Variants in GALNTL6 observed in about 807,000 individuals in gnomAD.
The protein encoded by GALNTL6 is polypeptide N-acetylgalactosaminyltransferase like 6, also known as polypeptide N-acetylgalactosaminyltransferase-like 6.
In GALNTL6, 46 loss-of-function variants were observed where a neutral mutation model predicts 73.7. The observed-to-expected ratio is 0.62, with a 90% CI of 0.49 to 0.80. The LOEUF (loss-of-function observed/expected upper bound fraction) is 0.80, where lower values mean the gene tolerates loss of function less well. Among genes scored for constraint, GALNTL6 ranks in the 30% least tolerant of loss-of-function variants. GALNTL6 has a pLI of 0.00. For missense variants in GALNTL6, 604 were observed against 755.0 expected, an observed-to-expected ratio of 0.80 and a Z score of 2.34; for synonymous variants, 259 against 263.7, an observed-to-expected ratio of 0.98 and a Z score of 0.17.
intron 3 of GALNTL6, among the ~76,000 whole-genome samples, chr4:172,247,115 C>T (rs1241468391): frequency 6.6e-6 from 1 of 152,068 alleles, no homozygotes; most frequent in Admixed American, 6.6e-5. Flanking sequence ...CCTCTAGTCT[C>T]TTCTCTATAA....
At chr4:171,991,135 A>C (rs1303777016) in intron 2 of GALNTL6, among the ~76,000 whole-genome samples, 2 of 152,292 alleles carry the variant, frequency 1.3e-5, no homozygotes, top group East Asian at 3.9e-4. Flanking sequence ...AAAACAATCA[A>C]GATACGTAAT....
intron 4 of GALNTL6, among the ~76,000 whole-genome samples, chr4:172,318,498 C>T (rs535715605): frequency 3.9e-5 from 6 of 151,952 alleles, no homozygotes; most frequent in East Asian, 3.9e-4. Context: ...GTCAGGGGTT[C>T]GAGACCAGCC....
At chr4:171,855,417 A>AT (rs1735660950) in intron 2 of GALNTL6, among the ~76,000 whole-genome samples, 1 of 152,194 alleles carries the variant, frequency 6.6e-6, no homozygotes, top group Non-Finnish European at 1.5e-5. Context: ...AGCAATATGC[A>AT]TTTAAGTTTC....
At chr4:172,085,219 C>G (rs937684140) in intron 2 of GALNTL6, among the ~76,000 whole-genome samples, 1 of 151,844 alleles carries the variant, frequency 6.6e-6, no homozygotes, top group Non-Finnish European at 1.5e-5. Context: ...TGTTGAAGTT[C>G]CCTGAACATA....
chr4:172,308,087 A>T (rs10049951), intron 3 of GALNTL6, among the ~76,000 whole-genome samples: 2,487 of 122,686 alleles, frequency 0.02, 80 homozygotes, highest in African/African-American at 0.07. Context: ...CTTAGTCACC[A>T]TTGGTACATA....
intron 2 of GALNTL6, among the ~76,000 whole-genome samples, chr4:171,949,608 A>T (rs1313729780): frequency 1.3e-5 from 2 of 152,254 alleles, no homozygotes; most frequent in Non-Finnish European, 2.9e-5. Context: ...TCTCAGATTC[A>T]AATTACAGAA....
At chr4:172,297,224 T>A (rs969454873) in intron 3 of GALNTL6, among the ~76,000 whole-genome samples, 4 of 152,210 alleles carry the variant, frequency 2.6e-5, no homozygotes, top group Non-Finnish European at 5.9e-5. Flanking sequence ...CTTGTAAATT[T>A]GTTTGAGTTC....
Position 172,201,520 on chromosome 4 carries a change from G to GT in GALNTL6, c.139-28130dup, listed in dbSNP as rs1420624973. 1.0e-3 allele frequency among the ~76,000 whole-genome samples: 146 copies of GT among 144,100 alleles called. 2 individuals carry two copies. Among genetic ancestry groups the GT allele is most frequent in the African/African-American group, 3.7e-3 (140 of 37,924 alleles). The allele number at this position is 144,100 out of a possible 152,430, so 94.5% of individuals were successfully genotyped here. On this transcript the variant is annotated intron_variant, in intron 2 of 12. Transcript: ENST00000506823. ...GCACCGGGACTAGTTTTTTTTTTTT[G>GT]TTTTTTGTTTTTGTTTTTAATAAGA...
intron 2 of GALNTL6, among the ~76,000 whole-genome samples, chr4:172,167,944 C>T (rs1013241050): frequency 1.5e-5 from 2 of 132,778 alleles, no homozygotes; most frequent in Admixed American, 8.6e-5. Flanking sequence ...CCGGCCTGGG[C>T]AACAGAGCGA....
At chr4:172,734,452 G>A (rs1209315520) in intron 5 of GALNTL6, among the ~76,000 whole-genome samples, 1 of 152,148 alleles carries the variant, frequency 6.6e-6, no homozygotes, top group African/African-American at 2.4e-5. Context: ...TTCCAAATGG[G>A]AGAAATTGGC....
chr4:172,286,516 G>A (rs1739259613), intron 3 of GALNTL6, among the ~76,000 whole-genome samples: 2 of 152,176 alleles, frequency 1.3e-5, no homozygotes, highest in African/African-American at 2.4e-5. Context: ...ATTAAAAGAA[G>A]TTCAATACAG....
intron 2 of GALNTL6, among the ~76,000 whole-genome samples, chr4:172,156,164 C>T (rs959044985): frequency 6.6e-6 from 1 of 151,992 alleles, no homozygotes; most frequent in Non-Finnish European, 1.5e-5. Context: ...CAGGAAGTGT[C>T]CGAGTCTGAA....
In GALNTL6 at chr4:173,040,851, A is replaced by G. The variant is rs1753868745; in HGVS notation, c.*751A>G. ...GAATCCAGTTAAAAACAAAAGCAAA[A>G]GCAAAAATCTATGCTATCAAGTTAC... On this transcript the variant is annotated 3_prime_UTR_variant, in exon 13 of 13. Coordinates refer to ENST00000506823, the MANE Select transcript of GALNTL6 (RefSeq NM_001034845.3). The G allele has an allele frequency of 6.6e-6, 1 of 152,638 alleles. No homozygotes were observed. Among genetic ancestry groups the G allele is most frequent in the Non-Finnish European group, 1.5e-5 (1 of 68,038 alleles). 9.5% of individuals were successfully genotyped at this position (152,638 alleles called of 1,614,324 possible).
chr4:172,447,929 A>C (rs114166952), intron 5 of GALNTL6, among the ~76,000 whole-genome samples: 3,466 of 152,310 alleles, frequency 0.023, 131 homozygotes, highest in African/African-American at 0.079. Context: ...CAAGTAAGTT[A>C]TTTTGAAATA....
At chr4:171,885,152 G>A (rs1295011003) in intron 2 of GALNTL6, among the ~76,000 whole-genome samples, 1 of 152,082 alleles carries the variant, frequency 6.6e-6, no homozygotes, top group Non-Finnish European at 1.5e-5. Context: ...TAATTACATG[G>A]TCTCGCATGA....
chr4:172,346,417 G>T (rs1012483837), intron 4 of GALNTL6, among the ~76,000 whole-genome samples: 1 of 152,092 alleles, frequency 6.6e-6, no homozygotes, highest in East Asian at 1.9e-4. Context: ...TGTCCAAAAC[G>T]TAAGAGTCCT....
intron 5 of GALNTL6, among the ~76,000 whole-genome samples, chr4:172,415,753 C>T (rs1367154310): frequency 6.6e-6 from 1 of 151,884 alleles, no homozygotes; most frequent in Admixed American, 6.6e-5. Context: ...AAGGGGGGTC[C>T]GAGTGAGAGG....
chr4:172,502,682 C>G (rs1397316258), intron 5 of GALNTL6, among the ~76,000 whole-genome samples: 1 of 152,122 alleles, frequency 6.6e-6, no homozygotes, highest in Non-Finnish European at 1.5e-5. Flanking sequence ...TTTAATAAGG[C>G]AAAAACTACC....
chr4:172,248,310 A>G (rs1412978005), intron 3 of GALNTL6, among the ~76,000 whole-genome samples: 1 of 152,228 alleles, frequency 6.6e-6, no homozygotes, highest in East Asian at 1.9e-4. Context: ...GCAGCTTTGT[A>G]GATGCACAGC....
Sources: gnomAD v4.1 joint callset for allele counts (sites outside exome capture counted in the v4.1 genomes callset) on GRCh38, gnomAD v4.1.1 for gene constraint, MANE v1.5 for transcripts, NCBI Gene and HGNC (gene_info 2026-07-23, HGNC 2026-07-21) for gene names.